Variants in RPS25 observed in about 807,000 individuals in gnomAD.
RPS25 encodes the protein small ribosomal subunit protein eS25.
Under a neutral mutation model 14.4 loss-of-function variants are expected in RPS25, and 1 was observed. That is an observed-to-expected ratio of 0.07 (90% confidence interval 0.02 to 0.33). The LOEUF (loss-of-function observed/expected upper bound fraction) is 0.33. Ranked by LOEUF, RPS25 falls within the 10% of genes least tolerant of loss-of-function variation. The pLI is 1.00. For synonymous variants in RPS25, 63 were observed against 53.8 expected (o/e 1.17, Z -0.75); for missense variants, 65 against 144.6 (o/e 0.45, Z 2.82).
chr11:119,018,302 A>C lies in RPS25; in HGVS notation c.-18T>G, dbSNP rs781841434. The C allele has an allele frequency of 2.5e-6, 4 of 1,614,158 alleles. No homozygotes were observed. Among genetic ancestry groups the C allele is most frequent in the Middle Eastern group, 1.7e-4 (1 of 6,058 alleles). ...CTTACCATTGCGAAGCTCGGAGAAT[A>C]GCAGCAGACACCGCAGCCTCGTCAA... On this transcript the variant is annotated 5_prime_UTR_variant, in exon 1 of 5. Transcript: ENST00000527673.
Position 119,018,312 on chromosome 11 carries a change from A to G in RPS25, c.-28T>C. ...CGAAGCTCGGAGAATAGCAGCAGAC[A>G]CCGCAGCCTCGTCAAGATGTCGGAC... On this transcript the variant is annotated 5_prime_UTR_variant, in exon 1 of 5. Coordinates refer to ENST00000527673, the MANE Select transcript of RPS25 (RefSeq NM_001028.3). 1 of 1,614,126 alleles carries G rather than the reference A, an allele frequency of 6.2e-7. No individual in the cohort carries two copies.
chr11:119,017,875 A>G, intron 2 of RPS25, 83 bp downstream of exon 2: 1 of 1,100,098 alleles, frequency 9.1e-7, no homozygotes, highest in Non-Finnish European at 1.4e-6. Context: ...CACCTGAAAA[A>G]CCACTTACTA....
chr11:119,017,653 A>T (rs927944431), intron 2 of RPS25, 108 bp from the exon 3 acceptor site: 1 of 1,053,996 alleles, frequency 9.5e-7, no homozygotes, highest in African/African-American at 1.6e-5. Flanking sequence ...ATCAAGGATA[A>T]ATTACACATT....
intron 3 of RPS25, among the ~76,000 whole-genome samples, chr11:119,016,858 T>C (rs7121270): frequency 1.6e-3 from 241 of 151,872 alleles, no homozygotes; most frequent in South Asian, 5.2e-3. Flanking sequence ...CTGACCTCCG[T>C]TGATTCACCC....
rs116513805 is a variant in RPS25 at position 119,017,833 on chromosome 11, A to G, written c.99+125T>C. On this transcript the variant is annotated intron_variant, in intron 2 of 4. Transcript: ENST00000527673. ...AAAAAGAACGAGTGGTGACGGGAAG[A>G]TAAACTCTCACATTTTGACTCTAGA... 596 of 799,630 alleles carry G rather than the reference A, an allele frequency of 7.5e-4. 3 individuals carry two copies. In the African/African-American group the frequency reaches 9.1e-3, roughly 12 times the overall value. 49.5% of individuals were successfully genotyped at this position (799,630 alleles called of 1,614,324 possible). A position where few individuals can be genotyped will look rare whatever the true frequency, so the allele number is the denominator to read the frequency against.
intron 3 of RPS25, among the ~76,000 whole-genome samples, 192 bp downstream of exon 3, chr11:119,017,170 A>C (rs901520936): frequency 6.6e-6 from 1 of 152,236 alleles, no homozygotes; most frequent in Non-Finnish European, 1.5e-5. Context: ...TCCACGGCAC[A>C]AAAGTGGCTA....
chr11:119,015,845 TCATG>T lies in RPS25; in HGVS notation c.374_377del (p.Ala125GlufsTer2). On this transcript the variant is annotated frameshift_variant and stop_lost, in exon 4 of 5. Transcript: ENST00000527673. LOFTEE classifies it high-confidence loss of function. ...AGCCCACACATTCCTACTCACCTAT[TCATG>T]CATCTTCACCAGCAGCTGGAGCATC... 1 of 1,580,946 alleles carries T rather than the reference TCATG, an allele frequency of 6.3e-7. No homozygotes were observed. Among genetic ancestry groups the T allele is most frequent in the Admixed American group, 1.7e-5 (1 of 59,974 alleles).
At chr11:119,018,208 G>T (rs970343431) in intron 1 of RPS25, 74 bp downstream of exon 1, 2 of 1,607,394 alleles carry the variant, frequency 1.2e-6, no homozygotes, top group Non-Finnish European at 8.5e-7. Flanking sequence ...GCCAAGGAGC[G>T]CTCCCGCCGA....
chr11:119,016,224 T>A (rs1457688695), intron 3 of RPS25, among the ~76,000 whole-genome samples: 1 of 152,094 alleles, frequency 6.6e-6, no homozygotes. Flanking sequence ...AATTGGTGGT[T>A]GCATTGAGCC....
intron 3 of RPS25, 146 bp from the exon 4 acceptor site, chr11:119,016,085 G>C: frequency 1.8e-6 from 1 of 566,706 alleles, no homozygotes; most frequent in Non-Finnish European, 3.2e-6. Flanking sequence ...GTAAGGAGTT[G>C]CACACCAGCC....
chr11:119,016,365 C>G (rs111446537), intron 3 of RPS25, among the ~76,000 whole-genome samples: 2,612 of 152,148 alleles, frequency 0.017, 91 homozygotes, highest in African/African-American at 0.06. Context: ...GCCCAGGAGA[C>G]CAGCCTGGGC....
intron 3 of RPS25, among the ~76,000 whole-genome samples, chr11:119,016,478 TC>T (rs1199640738): frequency 1.3e-5 from 2 of 152,138 alleles, no homozygotes; most frequent in Non-Finnish European, 2.9e-5. Context: ...GCTCAAATGA[TC>T]CTCCTGCTTT....
chr11:119,018,146 G>A (rs542450161), intron 1 of RPS25, 93 bp from the exon 2 acceptor site: 4 of 1,560,056 alleles, frequency 2.6e-6, no homozygotes, highest in Middle Eastern at 1.7e-4. Context: ...TCCACCACCA[G>A]AGCACATGGG....
At chr11:119,017,723 G>A (rs1337966875) in intron 2 of RPS25, 178 bp from the exon 3 acceptor site, 1 of 694,678 alleles carries the variant, frequency 1.4e-6, no homozygotes, top group Non-Finnish European at 2.4e-6. Context: ...CAGGGGCCGA[G>A]CCCCACTAGA....
chr11:119,016,392 A>T (rs1428052878), intron 3 of RPS25, among the ~76,000 whole-genome samples: 1 of 152,100 alleles, frequency 6.6e-6, no homozygotes, highest in Non-Finnish European at 1.5e-5. Context: ...GCAAAACCGC[A>T]TCTCTATTTA....
intron 3 of RPS25, 142 bp from the exon 4 acceptor site, chr11:119,016,081 A>C: frequency 1.7e-6 from 1 of 580,302 alleles, no homozygotes; most frequent in Non-Finnish European, 3.2e-6. Context: ...TGAGGTAAGG[A>C]GTTGCACACC....
chr11:119,015,808 TC>T, intron 4 of RPS25, 32 bp downstream of exon 4: 2 of 1,426,308 alleles, frequency 1.4e-6, no homozygotes, highest in Non-Finnish European at 2.0e-6. Flanking sequence ...TGTATCTACC[TC>T]CTACACCATG....
rs782204272 is a variant in RPS25 at position 119,018,062 on chromosome 11, G to A, written c.4-9C>T. ...TTGTCGTCCTTAGGCGGCTGTAGGA[G>A]GGCAGCGGGAATGCAACCAGGTCCT... On this transcript the variant is annotated splice_polypyrimidine_tract_variant and intron_variant, in intron 1 of 4. Transcript: ENST00000527673. The A allele has an allele frequency of 5.0e-6, 8 of 1,611,876 alleles. No homozygotes were observed. Among genetic ancestry groups the A allele is most frequent in the South Asian group, 2.2e-5 (2 of 90,982 alleles).
At chr11:119,016,223 T>C (rs376194661) in intron 3 of RPS25, among the ~76,000 whole-genome samples, 5 of 152,154 alleles carry the variant, frequency 3.3e-5, no homozygotes, top group East Asian at 3.9e-4. Context: ...GAATTGGTGG[T>C]TGCATTGAGC....
Sources: gnomAD v4.1 joint callset for allele counts (sites outside exome capture counted in the v4.1 genomes callset) on GRCh38, gnomAD v4.1.1 for gene constraint, MANE v1.5 for transcripts, NCBI Gene and HGNC (gene_info 2026-07-23, HGNC 2026-07-21) for gene names.